UTP20: variants seen among roughly 807,000 people sequenced by gnomAD.
UTP20 encodes the protein UTP20 small subunit processome component.
Under a neutral mutation model 329.5 loss-of-function variants are expected in UTP20, and 164 were observed. That is an observed-to-expected ratio of 0.50 (90% CI 0.44 to 0.57). The LOEUF is 0.57. Ranked by LOEUF, UTP20 falls within the 20% of genes least tolerant of loss-of-function variation. UTP20 has a pLI of 0.00. For synonymous variants in UTP20, 1,151 were observed against 1,159.3 expected, an observed-to-expected ratio of 0.99 and a Z score of 0.14; for missense variants, 3,055 against 3,284.2, an observed-to-expected ratio of 0.93 and a Z score of 1.71.
intron 39 of UTP20, among the ~76,000 whole-genome samples, chr12:101,352,457 T>C (rs1369714907): frequency 3.9e-5 from 6 of 152,172 alleles, no homozygotes; most frequent in Admixed American, 3.3e-4. Context: ...TAGTTCTAGA[T>C]CCCTGAGGAA....
At position 101,319,555 on chromosome 12, in the gene UTP20, G is replaced by A; in HGVS notation, c.2749G>A (p.Ala917Thr). 6.2e-7 allele frequency: 1 copy of A among 1,603,758 alleles called. No individual in the cohort carries two copies. The highest frequency in any genetic ancestry group is 8.5e-7 in the Non-Finnish European group (1 of 1,178,136). Residue 917 changes from alanine to threonine, a missense_variant, in exon 23 of 62, where the codon GCT (alanine) becomes ACT (threonine). Coordinates refer to ENST00000261637, the MANE Select transcript of UTP20 (RefSeq NM_014503.3). ...TTTGTTTTTGTTTAGGCAATTAATT[G>A]CTCATTTGCAAGTTTTCTCTAAATT... Reference protein sequence around the residue: ...TRRAAAKQLIAHLQVFSKFSN... With the variant: ...TRRAAAKQLITHLQVFSKFSN...
intron 7 of UTP20, among the ~76,000 whole-genome samples, chr12:101,290,526 T>G (rs1056988645): frequency 6.6e-6 from 1 of 152,150 alleles, no homozygotes; most frequent in Non-Finnish European, 1.5e-5. Flanking sequence ...CAAGGGCAGG[T>G]GGGGAGGGAA....
intron 28 of UTP20, among the ~76,000 whole-genome samples, chr12:101,333,903 A>T (rs1868845697): frequency 6.6e-6 from 1 of 152,208 alleles, no homozygotes; most frequent in Admixed American, 6.5e-5. Context: ...ACCTCAGGTG[A>T]TCCGCCTGCC....
rs138226932 is a variant in UTP20, at chr12:101,369,871, C to T, written c.6535C>T (p.Leu2179Phe). The T allele has an allele frequency of 1.2e-6, 2 of 1,613,826 alleles. No homozygotes were observed. The highest frequency in any genetic ancestry group is 1.7e-6 in the Non-Finnish European group (2 of 1,179,902). The stretch of plus-strand genomic sequence containing the variant: ...GGCCGCCAGGGGCCAGAACTTCCAC[C>T]TTGTGGTCAATTGTTTCAAGGTGAG... ...LGAARGQNFH[L>F]VVNCFKCVTI... Residue 2179 changes from leucine to phenylalanine, a missense_variant, in exon 49 of 62, where the codon CTT becomes TTT. This residue lies in a region of UTP20 where 2,445 missense variants were observed against 2,575.5 expected (regional missense o/e 0.95). Transcript: ENST00000261637.
At position 101,290,034 on chromosome 12, in the gene UTP20, A is replaced by G. The variant is rs918324244; in HGVS notation, c.598-103A>G. 17 of 898,716 alleles carry G rather than the reference A, an allele frequency of 1.9e-5. No homozygotes were observed. In the African/African-American group the frequency reaches 2.8e-4, roughly 15 times the overall value. The allele number at this position is 898,716 out of a possible 1,614,324, so 55.7% of individuals were successfully genotyped here. A position where few individuals can be genotyped will look rare whatever the true frequency, so the allele number is the denominator to read the frequency against. On this transcript the variant is annotated intron_variant, in intron 6 of 61. Coordinates refer to ENST00000261637, the MANE Select transcript of UTP20 (RefSeq NM_014503.3). Reference sequence around the variant, plus strand: ...TCTGTTCTTTTCACAATTTTTTCCTAAGTATATTTAAATAACAATATATAG... The same window carrying G: ...TCTGTTCTTTTCACAATTTTTTCCTGAGTATATTTAAATAACAATATATAG...
At chr12:101,302,189 C>G (rs755588950) in intron 14 of UTP20, among the ~76,000 whole-genome samples, 3 of 152,166 alleles carry the variant, frequency 2.0e-5, no homozygotes, top group South Asian at 2.1e-4. Context: ...CTCAGCACCC[C>G]CAAAGTGCTG....
chr12:101,280,328 G>C lies in UTP20; in HGVS notation c.45+1G>C. 1 of 1,551,750 alleles carries C rather than the reference G, an allele frequency of 6.4e-7. No homozygotes were observed. Among genetic ancestry groups the C allele is most frequent in the Non-Finnish European group, 8.7e-7 (1 of 1,146,996 alleles). On this transcript the variant is annotated splice_donor_variant, in intron 1 of 61. Transcript: ENST00000261637. LOFTEE classifies it high-confidence loss of function. ...CCACAAGACCGAGAACACCTACCGGGTGAGCGCGGGAGCTTAGGCAGGGAG... is the reference window on the plus strand; with the variant it reads ...CCACAAGACCGAGAACACCTACCGGCTGAGCGCGGGAGCTTAGGCAGGGAG...
intron 54 of UTP20, among the ~76,000 whole-genome samples, 156 bp from the exon 55 acceptor site, chr12:101,374,652 C>T (rs954061844): frequency 1.4e-4 from 22 of 152,140 alleles, no homozygotes; most frequent in African/African-American, 5.3e-4. Context: ...TGTATATTGG[C>T]CATCAAAGCT....
At chr12:101,287,106 C>T (rs1871984793) in intron 5 of UTP20, among the ~76,000 whole-genome samples, 1 of 152,122 alleles carries the variant, frequency 6.6e-6, no homozygotes, top group East Asian at 1.9e-4. Flanking sequence ...ACTTGGTCTT[C>T]CGGTTGTTTT....
intron 11 of UTP20, among the ~76,000 whole-genome samples, chr12:101,294,723 A>G (rs1210418037): frequency 2.6e-5 from 4 of 151,758 alleles, no homozygotes; most frequent in Non-Finnish European, 5.9e-5. Context: ...TTGTATTTTT[A>G]GTAGAGACGG....
rs776981056 is a variant in UTP20, at chr12:101,321,555, G to C, written c.2967G>C (p.Val989=). 3 of 1,613,518 alleles carry C rather than the reference G, an allele frequency of 1.9e-6. No homozygotes were observed. Among genetic ancestry groups the C allele is most frequent in the Non-Finnish European group, 2.5e-6 (3 of 1,179,718 alleles). Reference sequence around the variant, plus strand: ...ACAGAAGCTTTAAGGAAGAGATAGTGCATTTTAGCATTTCAGAAGATAATG... The same window carrying C: ...ACAGAAGCTTTAAGGAAGAGATAGTCCATTTTAGCATTTCAGAAGATAATG... ...LEDRSFKEEI[V]HFSISEDNAV... The change falls in exon 25 of 62, where the codon GTG becomes GTC. Residue 989 remains valine (V), a synonymous_variant. Coordinates refer to ENST00000261637, the MANE Select transcript of UTP20 (RefSeq NM_014503.3).
At position 101,340,615 on chromosome 12, in the gene UTP20, A is replaced by G; in HGVS notation, c.4101+5A>G. On this transcript the variant is annotated splice_donor_5th_base_variant and intron_variant, in intron 32 of 61. Coordinates refer to ENST00000261637, the MANE Select transcript of UTP20 (RefSeq NM_014503.3). The stretch of plus-strand genomic sequence containing the variant: ...CACCGTGGCAATATTGCTGAGGTAC[A>G]AACTCATAGGACACTTAACTTTGTC... 1 of 1,591,942 alleles carries G rather than the reference A, an allele frequency of 6.3e-7. No individual in the cohort carries two copies. Among genetic ancestry groups the G allele is most frequent in the Non-Finnish European group, 8.6e-7 (1 of 1,161,044 alleles).
At position 101,383,241 on chromosome 12, in the gene UTP20, G is replaced by A. The variant is rs538781494; in HGVS notation, c.7857G>A (p.Leu2619=). ...AAGAGCTCGGCAGGCCGGCCACGCT[G>A]CTGTGGTTGATCCAGAAGCTGTCCC... ...VKEELGRPAT[L]LWLIQKLSRI... is the part of the protein sequence containing the mutation. Residue 2619 remains leucine, a synonymous_variant, in exon 59 of 62, where the codon CTG becomes CTA. Transcript: ENST00000261637. The A allele has an allele frequency of 1.2e-5, 19 of 1,614,198 alleles. No individual in the cohort carries two copies. The East Asian group carries it at 3.8e-4, about 32-fold the overall frequency.
At chr12:101,280,768 T>C (rs1871770151) in intron 1 of UTP20, among the ~76,000 whole-genome samples, 1 of 152,202 alleles carries the variant, frequency 6.6e-6, no homozygotes, top group Non-Finnish European at 1.5e-5. Context: ...TCTGTATATG[T>C]TTAAAAACAC....
At chr12:101,312,684 C>A in intron 21 of UTP20, among the ~76,000 whole-genome samples, 1 of 152,344 alleles carries the variant, frequency 6.6e-6, no homozygotes, top group Non-Finnish European at 1.5e-5. Flanking sequence ...AGGTGATCCA[C>A]CCACCTCGGC....
rs35235306 is a variant in UTP20, at chr12:101,380,863, TAAAAAAAA to T, written c.7585-261_7585-254del. Reference sequence around the variant, plus strand: ...CGGGCCACAGAGTGAGACTCTGTCTTAAAAAAAAAAAAAAAAAAAAAAATGTAGAGTAT... The same window carrying T: ...CGGGCCACAGAGTGAGACTCTGTCTTAAAAAAAAAAAAAAATGTAGAGTAT... On this transcript the variant is annotated intron_variant, in intron 57 of 61. Coordinates refer to ENST00000261637, the MANE Select transcript of UTP20 (RefSeq NM_014503.3). Among the ~76,000 whole-genome samples the T allele has an allele frequency of 4.6e-3, 534 of 115,148 alleles. 2 individuals are homozygous for T. Among genetic ancestry groups the T allele is most frequent in the Non-Finnish European group, 7.0e-3 (399 of 57,238 alleles). The allele number at this position is 115,148 out of a possible 152,430, so 75.5% of individuals were successfully genotyped here.
chr12:101,368,879 C>A (rs1185367455), intron 48 of UTP20, among the ~76,000 whole-genome samples: 1 of 152,102 alleles, frequency 6.6e-6, no homozygotes, highest in East Asian at 1.9e-4. Flanking sequence ...CTTTCCGACT[C>A]CCAAGCTCGC....
chr12:101,306,502 T>C (rs1872644405), intron 16 of UTP20, among the ~76,000 whole-genome samples, 197 bp from the exon 17 acceptor site: 1 of 152,234 alleles, frequency 6.6e-6, no homozygotes, highest in Non-Finnish European at 1.5e-5. Flanking sequence ...AAGAAACTAC[T>C]GATTGTTCCA....
intron 57 of UTP20, 129 bp downstream of exon 57, chr12:101,379,687 A>T (rs777629718): frequency 4.3e-4 from 429 of 1,008,398 alleles, no homozygotes; most frequent in Non-Finnish European, 5.7e-4. Flanking sequence ...CAGGTGAATC[A>T]ATAGGAATAT....
Sources: allele counts gnomAD v4.1 joint callset (sites outside exome capture counted in the v4.1 genomes callset), GRCh38; gene constraint gnomAD v4.1.1; regional missense constraint gnomAD v4.1.1; transcripts MANE v1.5; gene names NCBI Gene and HGNC (gene_info 2026-07-23, HGNC 2026-07-21).